The following GALNT13 variants were observed in gnomAD, a reference collection of about 807,000 sequenced individuals.
GALNT13 encodes UDP-GalNAc:polypeptide N-acetylgalactosaminyltransferase 13.
In GALNT13, 28 loss-of-function variants were observed where a neutral mutation model predicts 64.2. The ratio of observed to expected loss-of-function variants is 0.44; its 90% CI spans 0.32 to 0.60. GALNT13 has a LOEUF of 0.60. GALNT13 is among the 20% of genes least tolerant of loss of function. The probability of loss-of-function intolerance (pLI) is 0.05; values close to 1 mark genes in which losing one functional copy is unlikely to be tolerated. For missense variants in GALNT13, 577 were observed against 669.8 expected, an observed-to-expected ratio of 0.86 and a Z score of 1.53; for synonymous variants, 214 against 224.6, an observed-to-expected ratio of 0.95 and a Z score of 0.42.
chr2:153,305,578 A>G, the GALNT13 span, among the ~76,000 whole-genome samples: 1 of 152,202 alleles, frequency 6.6e-6, no homozygotes, highest in Non-Finnish European at 1.5e-5. Context: ...TACAAATTGA[A>G]TAGAAACAGA....
At chr2:154,325,940 G>A (rs1399669179) in intron 9 of GALNT13, among the ~76,000 whole-genome samples, 1 of 152,026 alleles carries the variant, frequency 6.6e-6, no homozygotes, top group Admixed American at 6.6e-5. Flanking sequence ...CTCCGAGGGC[G>A]GGGCCCAGGA....
chr2:153,153,663 CT>C, the GALNT13 span, among the ~76,000 whole-genome samples: 2,642 of 129,700 alleles, frequency 0.02, 59 homozygotes, highest in African/African-American at 0.065. Flanking sequence ...TTCCCCATTG[CT>C]TTTTTTTTTT....
chr2:154,183,945 T>G (rs894543791), intron 4 of GALNT13, among the ~76,000 whole-genome samples: 1 of 152,078 alleles, frequency 6.6e-6, no homozygotes, highest in African/African-American at 2.4e-5. Context: ...TTATTCTTAA[T>G]ATAGACATTA....
At chr2:153,675,088 A>C in the GALNT13 span, among the ~76,000 whole-genome samples, 1 of 152,232 alleles carries the variant, frequency 6.6e-6, no homozygotes, top group Non-Finnish European at 1.5e-5. Flanking sequence ...ATGCTTTTGC[A>C]CTGTTTGCAG....
At chr2:153,507,610 C>G in the GALNT13 span, among the ~76,000 whole-genome samples, 6 of 152,138 alleles carry the variant, frequency 3.9e-5, no homozygotes, top group Non-Finnish European at 7.3e-5. Context: ...TTGAAGTTCA[C>G]TTTTCTCTGG....
At chr2:154,395,202 A>G (rs758020727) in intron 9 of GALNT13, among the ~76,000 whole-genome samples, 84 of 152,314 alleles carry the variant, frequency 5.5e-4, no homozygotes, top group Non-Finnish European at 7.2e-4. Flanking sequence ...TTTCAATCAA[A>G]TGCCAATATT....
intron 3 of GALNT13, among the ~76,000 whole-genome samples, chr2:154,125,939 A>G (rs1682234626): frequency 6.6e-6 from 1 of 152,210 alleles, no homozygotes; most frequent in Admixed American, 6.5e-5. Context: ...TACAAAGGGT[A>G]CAATCTACCT....
chr2:153,579,251 T>C, the GALNT13 span, among the ~76,000 whole-genome samples: 1 of 152,244 alleles, frequency 6.6e-6, no homozygotes, highest in South Asian at 2.1e-4. Context: ...AGGAGTCTTC[T>C]GGCTTAGAAA....
the GALNT13 span, among the ~76,000 whole-genome samples, chr2:153,596,827 TAAC>T: frequency 3.9e-5 from 6 of 152,030 alleles, no homozygotes; most frequent in South Asian, 4.1e-4. Flanking sequence ...GGGAAAATAA[TAAC>T]ATTCTATTTC....
At chr2:154,172,306 A>T (rs556027966) in intron 4 of GALNT13, among the ~76,000 whole-genome samples, 1 of 152,182 alleles carries the variant, frequency 6.6e-6, no homozygotes, top group South Asian at 2.1e-4. Context: ...ACATTCAAAT[A>T]GTTCTCTACT....
the GALNT13 span, among the ~76,000 whole-genome samples, chr2:153,856,409 G>T: frequency 6.6e-6 from 1 of 152,012 alleles, no homozygotes; most frequent in Non-Finnish European, 1.5e-5. Flanking sequence ...ATCAATAAAG[G>T]TCTAGTATTC....
intron 3 of GALNT13, among the ~76,000 whole-genome samples, chr2:154,013,117 G>A (rs1696757170): frequency 6.7e-6 from 1 of 149,290 alleles, no homozygotes; most frequent in Admixed American, 6.8e-5. Flanking sequence ...GAGGTAAGAA[G>A]ACACTGGCTT....
chr2:153,648,693 T>C, the GALNT13 span, among the ~76,000 whole-genome samples: 1 of 152,116 alleles, frequency 6.6e-6, no homozygotes, highest in Non-Finnish European at 1.5e-5. Flanking sequence ...TGAATTTTGT[T>C]GAAGGCCTTT....
chr2:153,519,340 C>T, the GALNT13 span, among the ~76,000 whole-genome samples: 1 of 152,104 alleles, frequency 6.6e-6, no homozygotes, highest in Non-Finnish European at 1.5e-5. Context: ...GAAATGAAAA[C>T]AACTGGGCAC....
the GALNT13 span, among the ~76,000 whole-genome samples, chr2:153,459,773 A>G: frequency 6.6e-6 from 1 of 152,188 alleles, no homozygotes; most frequent in African/African-American, 2.4e-5. Flanking sequence ...GAAGTTTTGC[A>G]TATGTTTGGG....
intron 11 of GALNT13, 33 bp downstream of exon 11, chr2:154,409,115 T>TCCCTCTAAAATATGA: frequency 7.8e-7 from 1 of 1,276,776 alleles, no homozygotes; most frequent in Non-Finnish European, 1.1e-6. Context: ...CTTCATGTTT[T>TCCCTCTAAAATATGA]AGAGGGAAAA....
the GALNT13 span, among the ~76,000 whole-genome samples, chr2:153,197,247 C>A: frequency 6.6e-6 from 1 of 152,218 alleles, no homozygotes; most frequent in Non-Finnish European, 1.5e-5. Context: ...GATATGCATG[C>A]ATGCCTGGGG....
intron 1 of GALNT13, among the ~76,000 whole-genome samples, chr2:153,884,805 ATGTGTGTGTGTG>A (rs1365077072): frequency 6.0e-5 from 8 of 133,606 alleles, no homozygotes; most frequent in Admixed American, 1.5e-4. Context: ...ATATATATAT[ATGTGTGTGTGTG>A]TGTATATATA....
chr2:154,381,233 A>G (rs1354408696), intron 9 of GALNT13, among the ~76,000 whole-genome samples: 3 of 152,022 alleles, frequency 2.0e-5, no homozygotes, highest in African/African-American at 7.2e-5. Flanking sequence ...ATAGCCAAAT[A>G]AAAACCACTT....
Sources: gnomAD v4.1 joint callset for allele counts (sites outside exome capture counted in the v4.1 genomes callset) on GRCh38, gnomAD v4.1.1 for gene constraint, MANE v1.5 for transcripts, NCBI Gene and HGNC (gene_info 2026-07-23, HGNC 2026-07-21) for gene names.